Variants in RIMS1 observed in about 807,000 individuals in gnomAD.
The protein encoded by RIMS1 is regulating synaptic membrane exocytosis 1.
RIMS1 carries 83 observed loss-of-function variants against 214.1 expected under a neutral mutation model. The ratio of observed to expected loss-of-function variants is 0.39; its 90% confidence interval spans 0.32 to 0.47. The LOEUF (loss-of-function observed/expected upper bound fraction) is 0.47. Among genes scored for constraint, RIMS1 ranks in the 20% least tolerant of loss-of-function variants. The pLI is 0.99. For synonymous variants in RIMS1, 793 were observed against 786.8 expected (o/e 1.01, Z -0.13); for missense variants, 2,050 against 2,161.8 (o/e 0.95, Z 1.03).
chr6:72,107,361 G>A (rs2034975226), intron 4 of RIMS1, among the ~76,000 whole-genome samples: 1 of 152,174 alleles, frequency 6.6e-6, no homozygotes, highest in African/African-American at 2.4e-5. Context: ...AGGAGTTCAA[G>A]ACCAGCCTGG....
At chr6:72,175,633 A>G (rs1437304120) in intron 4 of RIMS1, among the ~76,000 whole-genome samples, 1 of 151,818 alleles carries the variant, frequency 6.6e-6, no homozygotes, top group Non-Finnish European at 1.5e-5. Flanking sequence ...AGATCGCGAC[A>G]CTGAACTCCA....
intron 9 of RIMS1, among the ~76,000 whole-genome samples, chr6:72,239,583 C>T (rs1271927722): frequency 1.3e-5 from 2 of 152,124 alleles, no homozygotes; most frequent in East Asian, 1.9e-4. Flanking sequence ...ACGGTGCAAT[C>T]AATGTGACTT....
chr6:72,049,320 C>T (rs1020493128), intron 2 of RIMS1, among the ~76,000 whole-genome samples: 1 of 151,918 alleles, frequency 6.6e-6, no homozygotes, highest in Admixed American at 6.6e-5. Flanking sequence ...GTTCAGAGCC[C>T]GTATTTGGGA....
rs563152831 is a variant in RIMS1 at position 71,933,261 on chromosome 6, C to T, written c.165-35722C>T. Among the ~76,000 whole-genome samples, 4 of 152,238 alleles carry T rather than the reference C, an allele frequency of 2.6e-5. No homozygotes were observed. The East Asian group carries it at 7.7e-4, about 29-fold the overall frequency. On this transcript the variant is annotated intron_variant, in intron 1 of 33. Coordinates refer to ENST00000521978, the MANE Select transcript of RIMS1 (RefSeq NM_014989.7). ...ACTCCACTTCTACCTGAGGTATCCT[C>T]TCATGTACCCTAGTAGGTTTGTCTG...
At position 72,156,280 on chromosome 6, in the gene RIMS1, G is replaced by A. The variant is rs766320727; in HGVS notation, c.472-23295G>A. On this transcript the variant is annotated intron_variant, in intron 4 of 33. Transcript: ENST00000521978. ...AAAAACATACAATGTAATATTATTC[G>A]GCCTTAAAAAAGAAGGAATTCCTAT... Among the ~76,000 whole-genome samples, 13 of 140,496 alleles carry A rather than the reference G, an allele frequency of 9.3e-5. 1 individual carries two copies. Among genetic ancestry groups the A allele is most frequent in the South Asian group, 7.1e-4 (3 of 4,254 alleles). The allele number at this position is 140,496 out of a possible 152,430, so 92.2% of individuals were successfully genotyped here.
chr6:71,896,368 G>A (rs185863574), intron 1 of RIMS1, among the ~76,000 whole-genome samples: 107 of 152,190 alleles, frequency 7.0e-4, no homozygotes, highest in Non-Finnish European at 1.2e-3. Context: ...AGATATTATG[G>A]TCTAAGTATC....
chr6:72,182,242 C>G (rs2048506070), intron 5 of RIMS1, 42 bp from the exon 6 acceptor site: 1 of 1,514,484 alleles, frequency 6.6e-7, no homozygotes, highest in South Asian at 1.4e-5. Flanking sequence ...TATGTCTAGT[C>G]TTTATAAATT....
intron 1 of RIMS1, among the ~76,000 whole-genome samples, chr6:71,890,152 G>T (rs2150329642): frequency 6.6e-6 from 1 of 152,194 alleles, no homozygotes; most frequent in South Asian, 2.1e-4. Context: ...TTGGCTTTGA[G>T]AATGTCTTTA....
At chr6:71,981,392 G>T (rs184880189) in intron 2 of RIMS1, among the ~76,000 whole-genome samples, 1 of 152,164 alleles carries the variant, frequency 6.6e-6, no homozygotes, top group Non-Finnish European at 1.5e-5. Context: ...ATTCAGGTCA[G>T]GATTCATTGG....
At chr6:72,326,042 A>T (rs1264319606) in intron 28 of RIMS1, among the ~76,000 whole-genome samples, 2 of 151,784 alleles carry the variant, frequency 1.3e-5, no homozygotes, top group African/African-American at 4.8e-5. Context: ...TGTAGGGCTC[A>T]TATAATTTTT....
At chr6:72,240,937 A>G (rs1392413547) in intron 9 of RIMS1, among the ~76,000 whole-genome samples, 2 of 151,890 alleles carry the variant, frequency 1.3e-5, no homozygotes, top group East Asian at 3.9e-4. Context: ...GATCGCTTGA[A>G]CCTGGGAGGC....
rs1000887352 is a variant in RIMS1 at position 72,402,659 on chromosome 6, G to A, written c.*1945G>A. Reference sequence around the variant, plus strand: ...CATTGGTGCACTTCTACTAGATTCCGTTCTGTCTTAGTGGCCAACAATCAA... The same window carrying A: ...CATTGGTGCACTTCTACTAGATTCCATTCTGTCTTAGTGGCCAACAATCAA... On this transcript the variant is annotated 3_prime_UTR_variant, in exon 34 of 34. Transcript: ENST00000521978. The A allele has an allele frequency of 1.3e-5, 2 of 152,556 alleles. No individual in the cohort carries two copies. The highest frequency in any genetic ancestry group is 2.4e-5 in the African/African-American group (1 of 41,404). 9.5% of individuals were successfully genotyped at this position (152,556 alleles called of 1,614,324 possible).
intron 2 of RIMS1, among the ~76,000 whole-genome samples, chr6:72,048,945 A>G (rs974965475): frequency 7.9e-5 from 12 of 152,130 alleles, no homozygotes; most frequent in African/African-American, 2.9e-4. Context: ...GACAGGGAAG[A>G]AAAGGGATGC....
intron 29 of RIMS1, among the ~76,000 whole-genome samples, chr6:72,387,338 G>C (rs955740771): frequency 6.6e-6 from 1 of 152,144 alleles, no homozygotes; most frequent in African/African-American, 2.4e-5. Flanking sequence ...TTCAATAACT[G>C]GTGTTCTATG....
chr6:72,042,167 C>T (rs1315311246), intron 2 of RIMS1, among the ~76,000 whole-genome samples: 1 of 151,846 alleles, frequency 6.6e-6, no homozygotes, highest in African/African-American at 2.4e-5. Context: ...ATTGACTAAA[C>T]TTTCAACCCA....
At chr6:72,207,486 A>C (rs1207477388) in intron 6 of RIMS1, among the ~76,000 whole-genome samples, 2 of 152,120 alleles carry the variant, frequency 1.3e-5, no homozygotes, top group African/African-American at 4.8e-5. Context: ...TTTGTGGAGA[A>C]ATAGCTGATG....
chr6:71,954,120 T>C (rs1381528276), intron 1 of RIMS1, among the ~76,000 whole-genome samples: 1 of 152,220 alleles, frequency 6.6e-6, no homozygotes, highest in Admixed American at 6.5e-5. Flanking sequence ...ATGTTGCTGT[T>C]AGAAACTGCA....
intron 23 of RIMS1, among the ~76,000 whole-genome samples, chr6:72,278,197 A>ATC (rs1276054155): frequency 6.0e-5 from 9 of 150,822 alleles, no homozygotes; most frequent in African/African-American, 1.7e-4. Context: ...CTATCTATCT[A>ATC]TATATGATTT....
chr6:72,168,583 C>T (rs1363023074), intron 4 of RIMS1, among the ~76,000 whole-genome samples: 1 of 152,114 alleles, frequency 6.6e-6, no homozygotes, highest in Non-Finnish European at 1.5e-5. Flanking sequence ...AGTTGTTCTT[C>T]CTTTACCAGT....
Sources: allele counts gnomAD v4.1 joint callset (sites outside exome capture counted in the v4.1 genomes callset), GRCh38; gene constraint gnomAD v4.1.1; transcripts MANE v1.5; gene names NCBI Gene and HGNC (gene_info 2026-07-23, HGNC 2026-07-21).